GRK3: variants seen among roughly 807,000 people sequenced by gnomAD.
GRK3 encodes adrenergic, beta, receptor kinase 2.
GRK3 carries 54 observed loss-of-function variants against 95.7 expected under a neutral mutation model. The observed-to-expected ratio is 0.56, with a 90% CI of 0.45 to 0.71. The LOEUF (loss-of-function observed/expected upper bound fraction) is 0.71. GRK3 is among the 30% of genes least tolerant of loss of function. The pLI is 0.00. For synonymous variants in GRK3, 281 were observed against 290.8 expected (o/e 0.97, Z 0.34); for missense variants, 649 against 851.2 (o/e 0.76, Z 2.96).
chr22:25,711,614 C>T (rs928313826), intron 17 of GRK3, among the ~76,000 whole-genome samples: 6 of 151,914 alleles, frequency 3.9e-5, no homozygotes, highest in Non-Finnish European at 7.4e-5. Flanking sequence ...TTAATACAAT[C>T]CTCTGCATTT....
chr22:25,641,962 T>A (rs949998432), intron 2 of GRK3, among the ~76,000 whole-genome samples: 2 of 152,216 alleles, frequency 1.3e-5, no homozygotes, highest in African/African-American at 4.8e-5. Flanking sequence ...CATTTAGACA[T>A]TTTGAAAACA....
At chr22:25,597,052 C>G (rs2084377457) in intron 1 of GRK3, among the ~76,000 whole-genome samples, 1 of 152,170 alleles carries the variant, frequency 6.6e-6, no homozygotes, top group South Asian at 2.1e-4. Flanking sequence ...TTACACACTT[C>G]CCTGCCTTTC....
chr22:25,638,211 T>G (rs1038873181), intron 2 of GRK3, among the ~76,000 whole-genome samples: 1 of 152,226 alleles, frequency 6.6e-6, no homozygotes, highest in African/African-American at 2.4e-5. Context: ...CAGAAAAGGA[T>G]GCAAAGTCCT....
chr22:25,705,886 G>A (rs1303476469), intron 15 of GRK3, among the ~76,000 whole-genome samples: 1 of 152,166 alleles, frequency 6.6e-6, no homozygotes, highest in African/African-American at 2.4e-5. Flanking sequence ...ACTTTATTGT[G>A]TACAAGCAAG....
chr22:25,714,907 C>T (rs557913562), intron 18 of GRK3: 27 of 174,702 alleles, frequency 1.5e-4, no homozygotes, highest in African/African-American at 5.2e-4. Context: ...GTGCCCTGTG[C>T]GGTCATCTGG....
At chr22:25,645,531 A>G (rs1176577012) in intron 3 of GRK3, among the ~76,000 whole-genome samples, 2 of 152,206 alleles carry the variant, frequency 1.3e-5, no homozygotes, top group African/African-American at 4.8e-5. Flanking sequence ...TGGGAGGCCA[A>G]AGAGCTAAGC....
Position 25,714,516 on chromosome 22 carries a change from G to T in GRK3, c.1600G>T (p.Asp534Tyr). The change falls in exon 18 of 21, where the codon GAT (aspartate) becomes TAT (tyrosine). Residue 534 changes from aspartate (D) to tyrosine (Y), a missense_variant. Asp to Tyr is a radical substitution (Grantham distance 160, BLOSUM62 -3). This residue lies in a region of GRK3 where 382 missense variants were observed against 493.8 expected (regional missense o/e 0.77). Coordinates refer to ENST00000324198, the MANE Select transcript of GRK3 (RefSeq NM_005160.4). ...TVYEAVNADT[D>Y]KIEARKRAKN... ...TTATGAAGCAGTAAATGCAGACACAGATAAAATCGAGGCCAGGAAGAGAGC... is the reference window on the plus strand; with the variant it reads ...TTATGAAGCAGTAAATGCAGACACATATAAAATCGAGGCCAGGAAGAGAGC... The T allele has an allele frequency of 6.2e-7, 1 of 1,613,404 alleles. No individual in the cohort carries two copies. Among genetic ancestry groups the T allele is most frequent in the East Asian group, 2.2e-5 (1 of 44,828 alleles).
chr22:25,604,740 C>G (rs1230818479), intron 2 of GRK3, among the ~76,000 whole-genome samples: 1 of 152,166 alleles, frequency 6.6e-6, no homozygotes, highest in East Asian at 1.9e-4. Flanking sequence ...TTGCGTCTTG[C>G]CTGCCTCGTG....
chr22:25,587,338 C>G (rs1932349158), intron 1 of GRK3, among the ~76,000 whole-genome samples: 1 of 152,192 alleles, frequency 6.6e-6, no homozygotes. Flanking sequence ...AGCCATAGAA[C>G]ATAGTCTCTT....
intron 13 of GRK3, among the ~76,000 whole-genome samples, chr22:25,695,954 C>CT (rs2146445291): frequency 6.6e-6 from 1 of 152,184 alleles, no homozygotes; most frequent in East Asian, 1.9e-4. Flanking sequence ...CTGCCTCAGC[C>CT]TCCTGCGTAG....
intron 2 of GRK3, among the ~76,000 whole-genome samples, chr22:25,641,468 C>G (rs1005593788): frequency 6.6e-6 from 1 of 152,164 alleles, no homozygotes; most frequent in African/African-American, 2.4e-5. Flanking sequence ...AACACCTGTA[C>G]CCTATGCATT....
intron 3 of GRK3, chr22:25,647,576 G>T (rs1246684007): frequency 1.9e-6 from 3 of 1,558,818 alleles, no homozygotes; most frequent in Admixed American, 3.4e-5. Context: ...TATGAAGCTA[G>T]AACTACAGAA....
chr22:25,663,562 GATATT>G, intron 4 of GRK3, 63 bp from the exon 5 acceptor site: 5 of 961,528 alleles, frequency 5.2e-6, no homozygotes, highest in Non-Finnish European at 7.9e-6. Context: ...TATCTGTTGT[GATATT>G]ATATAACATA....
At chr22:25,614,449 A>C (rs2084522903) in intron 2 of GRK3, among the ~76,000 whole-genome samples, 1 of 152,140 alleles carries the variant, frequency 6.6e-6, no homozygotes, top group Non-Finnish European at 1.5e-5. Context: ...TTATCTGCTA[A>C]ATTTTTACTG....
intron 15 of GRK3, among the ~76,000 whole-genome samples, chr22:25,709,507 A>T (rs1474709830): frequency 1.3e-5 from 2 of 152,086 alleles, no homozygotes; most frequent in Non-Finnish European, 2.9e-5. Context: ...ATCTATTGCG[A>T]TGTGTAAATA....
chr22:25,717,369 C>G (rs1181908366), intron 18 of GRK3, among the ~76,000 whole-genome samples: 1 of 152,158 alleles, frequency 6.6e-6, no homozygotes, highest in Admixed American at 6.5e-5. Context: ...TCACCACTGA[C>G]CCTCCCTGGC....
intron 6 of GRK3, among the ~76,000 whole-genome samples, chr22:25,671,022 A>G (rs1473864888): frequency 7.3e-6 from 1 of 136,890 alleles, no homozygotes; most frequent in African/African-American, 2.8e-5. Flanking sequence ...CCGCTGCACT[A>G]CAGTCTGGGG....
intron 1 of GRK3, among the ~76,000 whole-genome samples, chr22:25,602,841 G>T (rs1272977605): frequency 6.6e-6 from 1 of 152,114 alleles, no homozygotes; most frequent in Non-Finnish European, 1.5e-5. Flanking sequence ...GCTTTTTGGG[G>T]CAATGGAAAT....
In GRK3 at chr22:25,686,370, G is replaced by A. The variant is rs202144905; in HGVS notation, c.826+1122G>A. Among the ~76,000 whole-genome samples the A allele has an allele frequency of 3.9e-5, 6 of 152,300 alleles. No individual in the cohort carries two copies. The East Asian group carries it at 1.2e-3, about 29-fold the overall frequency. ...ACTGCCAAAACAGGCAAAACTAATG[G>A]ATGGGGAGAGAGGCCTTAAAAGTGG... is the stretch of plus-strand genomic sequence containing the variant. On this transcript the variant is annotated intron_variant, in intron 10 of 20. Transcript: ENST00000324198.
Sources: gnomAD v4.1 joint callset for allele counts (sites outside exome capture counted in the v4.1 genomes callset) on GRCh38, gnomAD v4.1.1 for gene constraint, gnomAD v4.1.1 regional missense constraint, MANE v1.5 for transcripts, NCBI Gene and HGNC (gene_info 2026-07-23, HGNC 2026-07-21) for gene names.